Variants in XPA observed in about 807,000 individuals in gnomAD.
XPA encodes DNA repair protein complementing XP-A cells.
Under a neutral mutation model 35.7 loss-of-function variants are expected in XPA, and 27 were observed. The observed-to-expected ratio is 0.76, with a 90% CI of 0.56 to 1.04. The LOEUF (loss-of-function observed/expected upper bound fraction) is 1.04, where lower values mean the gene tolerates loss of function less well. Ranked by LOEUF, XPA falls within the 50% of genes least tolerant of loss-of-function variation. The pLI is 0.00. For missense variants in XPA, 354 were observed against 342.7 expected, an observed-to-expected ratio of 1.03 and a Z score of -0.26; for synonymous variants, 133 against 118.4, an observed-to-expected ratio of 1.12 and a Z score of -0.80.
At chr9:97,677,249 A>G (rs969776601) in intron 5 of XPA, among the ~76,000 whole-genome samples, 5 of 152,230 alleles carry the variant, frequency 3.3e-5, no homozygotes, top group African/African-American at 1.2e-4. Context: ...CTGTCTAGCC[A>G]TAATTGAACC....
the XPA span, chr9:97,669,747 G>A: frequency 7.4e-7 from 1 of 1,350,102 alleles, no homozygotes; most frequent in Non-Finnish European, 1.1e-6. Flanking sequence ...ACTATTCTCA[G>A]CCACAAAGAT....
rs1366019521 is a variant in XPA, at chr9:97,675,468, C to T, written c.793G>A (p.Gly265Ser). 1.2e-6 allele frequency: 2 copies of T among 1,613,760 alleles called. No individual in the cohort carries two copies. The highest frequency in any genetic ancestry group is 1.7e-6 in the Non-Finnish European group (2 of 1,179,888). The change falls in exon 6 of 6, where the codon GGC (glycine) becomes AGC (serine). Residue 265 changes from glycine (G) to serine (S), a missense_variant. By Grantham distance (56) the Gly-to-Ser change is moderately conservative. Transcript: ENST00000375128. ...DMYRKTCTMCGHELTYEKM is the reference protein window; with the variant it reads ...DMYRKTCTMCSHELTYEKM ...ATTTTTTCATATGTCAGTTCATGGC[C>T]ACACATAGTACAAGTCTTACGGTAC...
chr9:97,669,782 A>G, the XPA span: 2 of 1,093,486 alleles, frequency 1.8e-6, no homozygotes, highest in Non-Finnish European at 2.8e-6. Context: ...AATCCTTGTC[A>G]AATTTGTTAG....
the XPA span, chr9:97,658,798 T>C: frequency 1.5e-6 from 2 of 1,314,518 alleles, no homozygotes; most frequent in Non-Finnish European, 2.2e-6. Flanking sequence ...CAAGTATATC[T>C]GAAGTTAGTT....
At chr9:97,670,781 A>G (rs936494990), downstream of XPA, among the ~76,000 whole-genome samples, 1 of 152,218 alleles carries the variant, frequency 6.6e-6, no homozygotes, top group Non-Finnish European at 1.5e-5. Context: ...AGCTGAGCCT[A>G]GTCCGTAATA....
the XPA span, chr9:97,661,189 ACTGTTGTTC>A: frequency 8.1e-7 from 1 of 1,235,402 alleles, no homozygotes; most frequent in Non-Finnish European, 1.1e-6. Context: ...ACCTGTTCAG[ACTGTTGTTC>A]TTAGCACCCC....
chr9:97,660,245 C>T, the XPA span, among the ~76,000 whole-genome samples: 2 of 152,148 alleles, frequency 1.3e-5, no homozygotes, highest in Non-Finnish European at 2.9e-5. Flanking sequence ...AACTCATACT[C>T]TATAACAGGA....
At chr9:97,670,258 T>C (rs1199320821), downstream of XPA, among the ~76,000 whole-genome samples, 1 of 152,144 alleles carries the variant, frequency 6.6e-6, no homozygotes, top group African/African-American at 2.4e-5. Context: ...CTAGCTGTAA[T>C]ATAAAATGTA....
intron 2 of XPA, among the ~76,000 whole-genome samples, chr9:97,690,418 C>T (rs1232540868): frequency 2.0e-5 from 3 of 151,716 alleles, no homozygotes; most frequent in Admixed American, 6.6e-5. Context: ...GATGGAATCT[C>T]GCTCTGTTGC....
At chr9:97,686,753 C>G (rs1828728275) in intron 4 of XPA, among the ~76,000 whole-genome samples, 1 of 151,926 alleles carries the variant, frequency 6.6e-6, no homozygotes, top group Non-Finnish European at 1.5e-5. Flanking sequence ...ATGGTAAAAC[C>G]CCATCTCTAC....
chr9:97,679,885 A>C (rs1463950108), intron 5 of XPA, among the ~76,000 whole-genome samples: 2 of 152,212 alleles, frequency 1.3e-5, no homozygotes, highest in African/African-American at 2.4e-5. Flanking sequence ...CATCACCTTG[A>C]AAGTATTCCT....
chr9:97,696,984 C>T (rs1407544754), intron 1 of XPA, 137 bp downstream of exon 1: 3 of 1,193,980 alleles, frequency 2.5e-6, no homozygotes, highest in South Asian at 1.6e-5. Context: ...ATTCCCTCTC[C>T]GACTCGGGGA....
Position 97,678,169 on chromosome 9 carries a change from G to A in XPA, c.674-2582C>T, listed in dbSNP as rs193159481. 1.9e-3 allele frequency among the ~76,000 whole-genome samples: 282 copies of A among 152,298 alleles called. 2 individuals are homozygous for A. The highest frequency in any genetic ancestry group is 6.5e-3 in the African/African-American group (270 of 41,536). On this transcript the variant is annotated intron_variant, in intron 5 of 5. Coordinates refer to ENST00000375128, the MANE Select transcript of XPA (RefSeq NM_000380.4). ...TAATTCTAGCACTTTGGGAGGCCGA[G>A]GCAGGTGGATCACCTGAGGTCAGGA...
intron 5 of XPA, chr9:97,682,509 T>TGGA (rs2131389562): frequency 2.0e-6 from 1 of 507,132 alleles, no homozygotes; most frequent in South Asian, 1.4e-5. Context: ...CAGAAGACAG[T>TGGA]GGAGTAATGT....
At chr9:97,664,336 G>A in the XPA span, 2 of 1,581,684 alleles carry the variant, frequency 1.3e-6, no homozygotes, top group South Asian at 2.2e-5. Flanking sequence ...TTCTCTCATT[G>A]TAGATGATTG....
chr9:97,677,224 G>C (rs1483914473), intron 5 of XPA, among the ~76,000 whole-genome samples: 1 of 152,122 alleles, frequency 6.6e-6, no homozygotes, highest in East Asian at 1.9e-4. Flanking sequence ...AAAAATACTT[G>C]TAGTAAAAGT....
At chr9:97,687,936 G>C (rs1356246481) in intron 3 of XPA, among the ~76,000 whole-genome samples, 1 of 152,182 alleles carries the variant, frequency 6.6e-6, no homozygotes, top group African/African-American at 2.4e-5. Context: ...AAACACTAAA[G>C]AGCAGGTACA....
the XPA span, chr9:97,661,106 A>T: frequency 1.9e-6 from 3 of 1,605,648 alleles, no homozygotes; most frequent in Non-Finnish European, 2.5e-6. Context: ...GGAACTATGT[A>T]TAGGCCAACT....
downstream of XPA, chr9:97,670,102 T>A (rs1420552033): frequency 3.1e-6 from 1 of 327,814 alleles, no homozygotes; most frequent in Non-Finnish European, 6.0e-6. Context: ...TTTGTATTTT[T>A]AGTAGGGACA....
Sources: allele counts gnomAD v4.1 joint callset (sites outside exome capture counted in the v4.1 genomes callset), GRCh38; gene constraint gnomAD v4.1.1; transcripts MANE v1.5; gene names NCBI Gene and HGNC (gene_info 2026-07-23, HGNC 2026-07-21).